IFI44: variants seen among roughly 807,000 people sequenced by gnomAD.
IFI44 encodes interferon-induced protein 44.
Under a neutral mutation model 45.0 loss-of-function variants are expected in IFI44, and 42 were observed. The observed-to-expected ratio is 0.93, with a 90% confidence interval of 0.73 to 1.21. The LOEUF is 1.21. Among genes scored for constraint, IFI44 ranks in the 50% most tolerant of loss-of-function variants. IFI44 has a pLI of 0.00. For synonymous variants in IFI44, 221 were observed against 188.6 expected, an observed-to-expected ratio of 1.17 and a Z score of -1.41; for missense variants, 623 against 525.8, an observed-to-expected ratio of 1.18 and a Z score of -1.81.
rs1441767247 is a variant in IFI44, at chr1:78,650,909, A to G, written c.457+257A>G. Among the ~76,000 whole-genome samples the G allele has an allele frequency of 3.9e-5, 6 of 152,370 alleles. No homozygotes were observed. In the East Asian group the frequency reaches 1.2e-3, roughly 29 times the overall value. The stretch of plus-strand genomic sequence containing the variant: ...AGTAAATCTTCTGTTAATGTGGACT[A>G]TAGGTTCTTGGAAAATGTGACTTAA... On this transcript the variant is annotated intron_variant, in intron 2 of 8. Transcript: ENST00000370747.
chr1:78,655,401 T>C lies in IFI44; in HGVS notation c.730T>C (p.Tyr244His), dbSNP rs755200132. 2 of 1,613,750 alleles carry C rather than the reference T, an allele frequency of 1.2e-6. No individual in the cohort carries two copies. The highest frequency in any genetic ancestry group is 8.5e-7 in the Non-Finnish European group (1 of 1,179,776). ...YSIRDGKDGKYLPFILCDSLG... is the reference protein window; with the variant it reads ...YSIRDGKDGKHLPFILCDSLG... The stretch of plus-strand genomic sequence containing the variant: ...TATTAGAGACGGGAAAGATGGCAAA[T>C]ACCTGCCGTTTATTCTGTGTGACTC... Residue 244 changes from tyrosine (Y) to histidine (H), a missense_variant, in exon 5 of 9, where the codon TAC becomes CAC. Coordinates refer to ENST00000370747, the MANE Select transcript of IFI44 (RefSeq NM_006417.5).
In IFI44 at chr1:78,663,738, A is replaced by G. The variant is rs184210556; in HGVS notation, c.1289-27A>G. On this transcript the variant is annotated intron_variant, in intron 8 of 8. Transcript: ENST00000370747. ...GTTGCCTTTCCTGAGATAATCCACT[A>G]AGAATATTTTGTGTTTCTTTTCTCA... The G allele has an allele frequency of 8.9e-5, 143 of 1,608,962 alleles. No individual in the cohort carries two copies. The African/African-American group carries it at 1.0e-3, about 12-fold the overall frequency.
chr1:78,657,572 A>C (rs1451154034), intron 5 of IFI44, among the ~76,000 whole-genome samples: 1 of 152,118 alleles, frequency 6.6e-6, no homozygotes. Flanking sequence ...TTATTTGTTA[A>C]AGTGTGAAAA....
At position 78,663,876 on chromosome 1, in the gene IFI44, C is replaced by G. The variant is rs1485963866; in HGVS notation, c.*65C>G. 6.6e-7 allele frequency: 1 copy of G among 1,511,330 alleles called. No homozygotes were observed. The highest frequency in any genetic ancestry group is 1.4e-5 in the African/African-American group (1 of 72,016). 93.6% of individuals were successfully genotyped at this position (1,511,330 alleles called of 1,614,324 possible). A position where few individuals can be genotyped will look rare whatever the true frequency, so the allele number is the denominator to read the frequency against. ...AGATTAAAATTCAGAAAGGAGAAAACACAGACCAAAGAGAAGTATCTAAGA... is the reference window on the plus strand; with the variant it reads ...AGATTAAAATTCAGAAAGGAGAAAAGACAGACCAAAGAGAAGTATCTAAGA... On this transcript the variant is annotated 3_prime_UTR_variant, in exon 9 of 9. Coordinates refer to ENST00000370747, the MANE Select transcript of IFI44 (RefSeq NM_006417.5).
Position 78,663,831 on chromosome 1 carries a change from A to G in IFI44, c.*20A>G, listed in dbSNP as rs759870176. On this transcript the variant is annotated 3_prime_UTR_variant, in exon 9 of 9. Coordinates refer to ENST00000370747, the MANE Select transcript of IFI44 (RefSeq NM_006417.5). ...AAATAGATATGTGAAAGGTTCACGT[A>G]AATTTCCTCACATCACAGAAGATTA... 15 of 1,609,260 alleles carry G rather than the reference A, an allele frequency of 9.3e-6. No individual in the cohort carries two copies. The highest frequency in any genetic ancestry group is 1.2e-5 in the Non-Finnish European group (14 of 1,177,690).
chr1:78,655,628 AT>A lies in IFI44; in HGVS notation c.840+127del, dbSNP rs554488295. On this transcript the variant is annotated intron_variant, in intron 5 of 8. Coordinates refer to ENST00000370747, the MANE Select transcript of IFI44 (RefSeq NM_006417.5). ...GCTCAAGATCCTTTGTCTCTTTTAG[AT>A]TTTTTTTTTCAAAAAGAATAAAAAC... 1,108 of 905,382 alleles carry A rather than the reference AT, an allele frequency of 1.2e-3. 1 individual carries two copies. The highest frequency in any genetic ancestry group is 4.5e-3 in the African/African-American group (260 of 57,460). The allele number at this position is 905,382 out of a possible 1,614,324, so 56.1% of individuals were successfully genotyped here.
At chr1:78,655,710 T>C (rs1342430834) in intron 5 of IFI44, among the ~76,000 whole-genome samples, 199 bp downstream of exon 5, 1 of 152,138 alleles carries the variant, frequency 6.6e-6, no homozygotes, top group East Asian at 1.9e-4. Flanking sequence ...TTTCTATTGC[T>C]TTCAGCTATG....
At chr1:78,652,861 T>C (rs553093495) in intron 2 of IFI44, among the ~76,000 whole-genome samples, 1 of 152,308 alleles carries the variant, frequency 6.6e-6, no homozygotes, top group Admixed American at 6.5e-5. Context: ...AGGGTATGTA[T>C]ATGTTCATTT....
chr1:78,652,876 T>C (rs947281733), intron 2 of IFI44, among the ~76,000 whole-genome samples: 2 of 152,172 alleles, frequency 1.3e-5, no homozygotes, highest in Admixed American at 6.5e-5. Context: ...TCATTTTCAG[T>C]TGACACTGAT....
intron 3 of IFI44, 49 bp downstream of exon 3, chr1:78,654,328 TTA>T: frequency 1.0e-6 from 1 of 992,898 alleles, no homozygotes; most frequent in Admixed American, 1.8e-5. Flanking sequence ...TATCTTTGAC[TTA>T]TTCTATGATA....
chr1:78,651,254 A>G (rs182492775), intron 2 of IFI44, among the ~76,000 whole-genome samples: 1 of 152,348 alleles, frequency 6.6e-6, no homozygotes, highest in Non-Finnish European at 1.5e-5. Context: ...ATTGTAATGT[A>G]GAATCAGCGG....
In IFI44 at chr1:78,663,869, G is replaced by T. The variant is rs1324973654; in HGVS notation, c.*58G>T. On this transcript the variant is annotated 3_prime_UTR_variant, in exon 9 of 9. Coordinates refer to ENST00000370747, the MANE Select transcript of IFI44 (RefSeq NM_006417.5). Reference sequence around the variant, plus strand: ...TCACAGAAGATTAAAATTCAGAAAGGAGAAAACACAGACCAAAGAGAAGTA... The same window carrying T: ...TCACAGAAGATTAAAATTCAGAAAGTAGAAAACACAGACCAAAGAGAAGTA... 1.3e-6 allele frequency: 2 copies of T among 1,544,700 alleles called. No homozygotes were observed. The highest frequency in any genetic ancestry group is 1.4e-5 in the African/African-American group (1 of 72,650).
chr1:78,661,508 T>A (rs139593573), intron 7 of IFI44, among the ~76,000 whole-genome samples: 8 of 152,294 alleles, frequency 5.3e-5, no homozygotes, highest in African/African-American at 1.7e-4. Context: ...CAATAAATGT[T>A]TATTGATATT....
At chr1:78,663,673 G>T in intron 8 of IFI44, 92 bp from the exon 9 acceptor site, 5 of 1,546,246 alleles carry the variant, frequency 3.2e-6, no homozygotes, top group Non-Finnish European at 4.3e-6. Flanking sequence ...TATTAGCGTT[G>T]GTTGAGATTT....
chr1:78,659,156 A>G (rs1027957059), intron 5 of IFI44, among the ~76,000 whole-genome samples, 156 bp from the exon 6 acceptor site: 31 of 152,146 alleles, frequency 2.0e-4, no homozygotes, highest in African/African-American at 7.0e-4. Context: ...GCTTACTTGC[A>G]TAATGCCTGT....
rs1282031866 is a variant in IFI44, at chr1:78,660,877, A to G, written c.1113+223A>G. On this transcript the variant is annotated intron_variant, in intron 7 of 8. Transcript: ENST00000370747. ...TTTGCATTGTTACCAAAATCTGTGG[A>G]TGCTTAATGGCATAGTATTTGTATT... 1.3e-5 allele frequency: 7 copies of G among 523,810 alleles called. No individual in the cohort carries two copies. The East Asian group carries it at 2.5e-4, about 19-fold the overall frequency. The allele number at this position is 523,810 out of a possible 1,614,324, so 32.4% of individuals were successfully genotyped here. A position where few individuals can be genotyped will look rare whatever the true frequency, so the allele number is the denominator to read the frequency against.
intron 2 of IFI44, among the ~76,000 whole-genome samples, chr1:78,652,798 G>A (rs990952192): frequency 6.6e-6 from 1 of 151,980 alleles, no homozygotes; most frequent in African/African-American, 2.4e-5. Context: ...TTATCTTTTG[G>A]TTGGTACATA....
In IFI44 at chr1:78,655,408, C is replaced by T. The variant is rs1017281597; in HGVS notation, c.737C>T (p.Pro246Leu). 2.4e-5 allele frequency: 38 copies of T among 1,613,510 alleles called. No homozygotes were observed. The highest frequency in any genetic ancestry group is 1.6e-4 in the Middle Eastern group (1 of 6,080). Residue 246 changes from proline to leucine, a missense_variant, in exon 5 of 9, where the codon CCG (proline) becomes CTG (leucine). Pro to Leu is a moderately conservative substitution (Grantham distance 98, BLOSUM62 -3). Transcript: ENST00000370747. ...IRDGKDGKYLPFILCDSLGLS... is the reference protein window; with the variant it reads ...IRDGKDGKYLLFILCDSLGLS... ...GACGGGAAAGATGGCAAATACCTGC[C>T]GTTTATTCTGTGTGACTCACTGGGG... is the stretch of plus-strand genomic sequence containing the variant.
At chr1:78,652,529 C>T (rs868515922) in intron 2 of IFI44, among the ~76,000 whole-genome samples, 2 of 152,372 alleles carry the variant, frequency 1.3e-5, no homozygotes, top group Middle Eastern at 3.4e-3. Flanking sequence ...AAATTAGACT[C>T]AGTCAGTTGT....
Sources: allele counts gnomAD v4.1 joint callset (sites outside exome capture counted in the v4.1 genomes callset), GRCh38; gene constraint gnomAD v4.1.1; transcripts MANE v1.5; gene names NCBI Gene and HGNC (gene_info 2026-07-23, HGNC 2026-07-21).